Variants in LNPEP observed in about 807,000 individuals in gnomAD.
The protein encoded by LNPEP is leucyl-cystinyl aminopeptidase.
In LNPEP, 64 loss-of-function variants were observed where a neutral mutation model predicts 120.6. The ratio of observed to expected loss-of-function variants is 0.53; its 90% CI spans 0.43 to 0.65. LNPEP has a LOEUF of 0.65. Among genes scored for constraint, LNPEP ranks in the 30% least tolerant of loss-of-function variants. LNPEP has a pLI of 0.00. For missense variants in LNPEP, 1,057 were observed against 1,200.0 expected, an observed-to-expected ratio of 0.88 and a Z score of 1.76; for synonymous variants, 435 against 425.4, an observed-to-expected ratio of 1.02 and a Z score of -0.28.
Position 97,036,180 on chromosome 5 carries a change from T to A in LNPEP, c.*7647T>A, listed in dbSNP as rs1393679763. ...ACCTGGTAGAAATTGTGTCTTGGAA[T>A]GACCCTTTCGAGTTATTGACATGGC... On this transcript the variant is annotated 3_prime_UTR_variant, in exon 18 of 18. Coordinates refer to ENST00000231368, the MANE Select transcript of LNPEP (RefSeq NM_005575.3). The A allele has an allele frequency of 6.6e-6, 1 of 152,158 alleles. No homozygotes were observed. The highest frequency in any genetic ancestry group is 1.5e-5 in the Non-Finnish European group (1 of 68,020). 9.4% of individuals were successfully genotyped at this position (152,158 alleles called of 1,614,324 possible). A position where few individuals can be genotyped will look rare whatever the true frequency, so the allele number is the denominator to read the frequency against.
At position 97,033,815 on chromosome 5, in the gene LNPEP, C is replaced by T. The variant is rs187455424; in HGVS notation, c.*5282C>T. 96 of 152,044 alleles carry T rather than the reference C, an allele frequency of 6.3e-4. No homozygotes were observed. Among genetic ancestry groups the T allele is most frequent in the African/African-American group, 2.2e-3 (91 of 41,450 alleles). 9.4% of individuals were successfully genotyped at this position (152,044 alleles called of 1,614,324 possible). Reference sequence around the variant, plus strand: ...TTTATTATAGTGTTTCATTGGGTACCCGGTCCTTCACTTGGATGTGTAGGT... The same window carrying T: ...TTTATTATAGTGTTTCATTGGGTACTCGGTCCTTCACTTGGATGTGTAGGT... On this transcript the variant is annotated 3_prime_UTR_variant, in exon 18 of 18. Coordinates refer to ENST00000231368, the MANE Select transcript of LNPEP (RefSeq NM_005575.3).
intron 13 of LNPEP, among the ~76,000 whole-genome samples, chr5:97,019,986 A>G (rs1393210740): frequency 6.6e-6 from 1 of 152,164 alleles, no homozygotes; most frequent in Non-Finnish European, 1.5e-5. Flanking sequence ...TTTCTACTTC[A>G]TGTCCTCCCA....
intron 1 of LNPEP, among the ~76,000 whole-genome samples, chr5:96,940,454 A>C (rs998843487): frequency 6.6e-6 from 1 of 151,710 alleles, no homozygotes; most frequent in Non-Finnish European, 1.5e-5. Flanking sequence ...AAAAAAAAAA[A>C]CCCACAACCT....
intron 4 of LNPEP, among the ~76,000 whole-genome samples, chr5:96,989,501 A>C (rs1177456529): frequency 6.7e-6 from 1 of 148,850 alleles, no homozygotes; most frequent in Non-Finnish European, 1.5e-5. Flanking sequence ...GCTCAGTGTT[A>C]ACCTTCTTTG....
At chr5:97,022,868 A>G (rs771684210) in intron 14 of LNPEP, among the ~76,000 whole-genome samples, 4 of 139,234 alleles carry the variant, frequency 2.9e-5, no homozygotes, top group Admixed American at 8.0e-5. Context: ...ATTCCCACCT[A>G]TGAGTGAGAA....
intron 8 of LNPEP, among the ~76,000 whole-genome samples, chr5:97,001,146 A>G (rs2112638794): frequency 6.6e-6 from 1 of 152,340 alleles, no homozygotes; most frequent in South Asian, 2.1e-4. Context: ...CAGTACATGG[A>G]GTAAAGAGGA....
intron 7 of LNPEP, 133 bp from the exon 8 acceptor site, chr5:96,997,881 C>T (rs1790553232): frequency 5.3e-6 from 3 of 565,204 alleles, no homozygotes; most frequent in South Asian, 2.6e-5. Context: ...AGCTTATATC[C>T]TGAAGTTTAG....
intron 2 of LNPEP, among the ~76,000 whole-genome samples, chr5:96,981,319 A>G (rs1434319275): frequency 6.6e-6 from 1 of 152,206 alleles, no homozygotes; most frequent in Non-Finnish European, 1.5e-5. Context: ...ATCAAGATAT[A>G]CTATCACTTG....
intron 13 of LNPEP, among the ~76,000 whole-genome samples, chr5:97,022,029 T>C (rs1014406947): frequency 2.0e-5 from 3 of 148,248 alleles, no homozygotes; most frequent in African/African-American, 7.5e-5. Flanking sequence ...CCTCCTGGGT[T>C]CAAGTGTTTC....
chr5:96,971,605 C>T (rs1007233351), intron 1 of LNPEP, among the ~76,000 whole-genome samples: 2 of 151,878 alleles, frequency 1.3e-5, no homozygotes, highest in African/African-American at 4.8e-5. Flanking sequence ...TCTCATTGTT[C>T]TTCAAATTGG....
intron 3 of LNPEP, among the ~76,000 whole-genome samples, chr5:96,985,683 G>A (rs1790224409): frequency 6.6e-6 from 1 of 152,036 alleles, no homozygotes; most frequent in Non-Finnish European, 1.5e-5. Context: ...TTAGCTCTGT[G>A]TGGGATGCAG....
At chr5:97,013,958 G>T in intron 12 of LNPEP, 127 bp downstream of exon 12, 1 of 584,966 alleles carries the variant, frequency 1.7e-6, no homozygotes, top group East Asian at 3.0e-5. Context: ...TTGGAGGATT[G>T]GGAAAATATG....
At chr5:97,027,689 A>C in intron 16 of LNPEP, 44 bp from the exon 17 acceptor site, 26 of 1,174,396 alleles carry the variant, frequency 2.2e-5, no homozygotes, top group Non-Finnish European at 2.9e-5. Flanking sequence ...ACGCTTTACC[A>C]GCAGCTGCCT....
At position 97,031,398 on chromosome 5, in the gene LNPEP, G is replaced by A. The variant is rs1253826375; in HGVS notation, c.*2865G>A. On this transcript the variant is annotated 3_prime_UTR_variant, in exon 18 of 18. Coordinates refer to ENST00000231368, the MANE Select transcript of LNPEP (RefSeq NM_005575.3). ...CTTTAAATGAAATTTTGTTGTCATT[G>A]TTTCAGCATTCATGAACTTTCTTAC... 2 of 152,026 alleles carry A rather than the reference G, an allele frequency of 1.3e-5. No homozygotes were observed. The highest frequency in any genetic ancestry group is 2.1e-4 in the South Asian group (1 of 4,824). The allele number at this position is 152,026 out of a possible 1,614,324, so 9.4% of individuals were successfully genotyped here. A position where few individuals can be genotyped will look rare whatever the true frequency, so the allele number is the denominator to read the frequency against.
chr5:96,953,061 G>A (rs942415510), intron 1 of LNPEP, among the ~76,000 whole-genome samples: 1 of 152,112 alleles, frequency 6.6e-6, no homozygotes, highest in African/African-American at 2.4e-5. Flanking sequence ...GACTAGGATT[G>A]ATCTGCTTTC....
At chr5:96,987,822 T>C (rs962793172) in intron 4 of LNPEP, among the ~76,000 whole-genome samples, 1 of 152,222 alleles carries the variant, frequency 6.6e-6, no homozygotes, top group Non-Finnish European at 1.5e-5. Context: ...CTGAAATAAT[T>C]CAATTAATTC....
At chr5:97,024,820 G>A in intron 15 of LNPEP, 138 bp downstream of exon 15, 2 of 706,016 alleles carry the variant, frequency 2.8e-6, no homozygotes, top group Middle Eastern at 3.3e-4. Flanking sequence ...ACAGTGTGGT[G>A]AGGAGACTAC....
rs926113666 is a variant in LNPEP at position 97,028,692 on chromosome 5, A to G, written c.*159A>G. Reference sequence around the variant, plus strand: ...CAGGGCCTGACTGTATTTTTCATCCATCTTTTCTGAAGTGTCTTTGGGCAG... The same window carrying G: ...CAGGGCCTGACTGTATTTTTCATCCGTCTTTTCTGAAGTGTCTTTGGGCAG... On this transcript the variant is annotated 3_prime_UTR_variant, in exon 18 of 18. Transcript: ENST00000231368. 3.0e-6 allele frequency: 2 copies of G among 664,460 alleles called. No homozygotes were observed. Among genetic ancestry groups the G allele is most frequent in the Non-Finnish European group, 5.1e-6 (2 of 392,462 alleles). 41.2% of individuals were successfully genotyped at this position (664,460 alleles called of 1,614,324 possible). A position where few individuals can be genotyped will look rare whatever the true frequency, so the allele number is the denominator to read the frequency against.
chr5:97,025,727 A>C (rs1791321847), intron 15 of LNPEP, among the ~76,000 whole-genome samples: 1 of 152,216 alleles, frequency 6.6e-6, no homozygotes, highest in Admixed American at 6.5e-5. Flanking sequence ...TATTAGGTTT[A>C]TACCATACCC....
Sources: gnomAD v4.1 joint callset for allele counts (sites outside exome capture counted in the v4.1 genomes callset) on GRCh38, gnomAD v4.1.1 for gene constraint, MANE v1.5 for transcripts, NCBI Gene and HGNC (gene_info 2026-07-23, HGNC 2026-07-21) for gene names.